The following ZNF560 variants were observed in gnomAD, a reference collection of about 807,000 sequenced individuals.
The protein encoded by ZNF560 is zinc finger protein 560.
In ZNF560, 54 loss-of-function variants were observed where a neutral mutation model predicts 81.8. The ratio of observed to expected loss-of-function variants is 0.66; its 90% confidence interval spans 0.53 to 0.83. The LOEUF (loss-of-function observed/expected upper bound fraction) is 0.83, where lower values mean the gene tolerates loss of function less well. Ranked by LOEUF, ZNF560 falls within the 40% of genes least tolerant of loss-of-function variation. The pLI, the probability that ZNF560 is intolerant of heterozygous loss-of-function variation, is 0.00. For missense variants in ZNF560, 940 were observed against 932.4 expected (o/e 1.01, Z -0.11); for synonymous variants, 321 against 317.9 (o/e 1.01, Z -0.10).
Position 9,469,611 on chromosome 19 carries a change from G to A in ZNF560, c.529+19C>T. 3 of 1,611,442 alleles carry A rather than the reference G, an allele frequency of 1.9e-6. No homozygotes were observed. The highest frequency in any genetic ancestry group is 4.5e-5 in the East Asian group (2 of 44,858). ...TGAGAACTTCTCATGGACCAGGGTT[G>A]TTCTTCACAAACACTCACCTTGGAG... On this transcript the variant is annotated intron_variant, in intron 8 of 9. Transcript: ENST00000301480.
In ZNF560 at chr19:9,466,944, G is replaced by C; in HGVS notation, c.2003C>G (p.Ser668Cys). 1 of 1,614,052 alleles carries C rather than the reference G, an allele frequency of 6.2e-7. No individual in the cohort carries two copies. Among genetic ancestry groups the C allele is most frequent in the Non-Finnish European group, 8.5e-7 (1 of 1,180,024 alleles). Residue 668 changes from serine (S) to cysteine (C), a missense_variant, in exon 10 of 10, where the codon TCT becomes TGT. Transcript: ENST00000301480. ...TTTTAAGTGTTGAGTTAGTACACAA[G>C]ACCTACTGTAAGCTTTTTCACATGC... The part of the protein sequence containing the change: ...CNACEKAYSR[S>C]CVLTQHLKTH...
chr19:9,475,083 A>G (rs1324570457), intron 3 of ZNF560, among the ~76,000 whole-genome samples: 2 of 152,076 alleles, frequency 1.3e-5, no homozygotes, highest in African/African-American at 4.8e-5. Flanking sequence ...TTAATTAACA[A>G]TTACTGAAAT....
At chr19:9,496,520 G>A (rs2144732992) in intron 2 of ZNF560, among the ~76,000 whole-genome samples, 1 of 146,898 alleles carries the variant, frequency 6.8e-6, no homozygotes, top group Middle Eastern at 3.6e-3. Context: ...CACCGCACCA[G>A]GCCTGGCTTT....
At chr19:9,503,800 C>A in the ZNF560 span, among the ~76,000 whole-genome samples, 3 of 152,210 alleles carry the variant, frequency 2.0e-5, no homozygotes, top group East Asian at 3.9e-4. Flanking sequence ...AGCCTCCCAA[C>A]GTGCTAGAAT....
chr19:9,489,697 C>T (rs994651738), intron 2 of ZNF560, among the ~76,000 whole-genome samples: 6 of 152,094 alleles, frequency 3.9e-5, no homozygotes, highest in Non-Finnish European at 8.8e-5. Flanking sequence ...TCACACCATT[C>T]TCCTGCCTCA....
At chr19:9,473,642 T>C (rs1489249867) in intron 4 of ZNF560, among the ~76,000 whole-genome samples, 1 of 152,062 alleles carries the variant, frequency 6.6e-6, no homozygotes, top group Non-Finnish European at 1.5e-5. Flanking sequence ...TATAGAACTA[T>C]AGTTCTTAGA....
the ZNF560 span, among the ~76,000 whole-genome samples, chr19:9,452,073 G>C: frequency 6.6e-6 from 1 of 151,558 alleles, no homozygotes; most frequent in African/African-American, 2.4e-5. Flanking sequence ...GAGACTCCAT[G>C]TAAGCCAAAA....
At chr19:9,495,537 C>G (rs200528909) in intron 2 of ZNF560, among the ~76,000 whole-genome samples, 1 of 152,088 alleles carries the variant, frequency 6.6e-6, no homozygotes, top group East Asian at 1.9e-4. Flanking sequence ...GATACCGCAT[C>G]TCTACAAAAA....
chr19:9,488,285 T>C (rs1418344623), intron 2 of ZNF560, among the ~76,000 whole-genome samples: 1 of 152,166 alleles, frequency 6.6e-6, no homozygotes, highest in Non-Finnish European at 1.5e-5. Context: ...CTCTTAGACT[T>C]TCCAACCAGC....
In ZNF560 at chr19:9,467,596, A is replaced by G. The variant is rs1035498680; in HGVS notation, c.1351T>C (p.Leu451=). 1.1e-5 allele frequency: 17 copies of G among 1,613,958 alleles called. No individual in the cohort carries two copies. The highest frequency in any genetic ancestry group is 1.4e-5 in the Non-Finnish European group (17 of 1,180,020). Residue 451 remains leucine, a synonymous_variant, in exon 10 of 10, where the codon TTG becomes CTG. Coordinates refer to ENST00000301480, the MANE Select transcript of ZNF560 (RefSeq NM_152476.3). ...FISYPSLFGH[L]RVHNGEKPYE... is the part of the protein sequence containing the mutation. The stretch of plus-strand genomic sequence containing the variant: ...GGCTTCTCTCCATTATGAACTCTCA[A>G]ATGTCCAAAAAGAGATGGGTAAGAA...
chr19:9,449,756 G>T, the ZNF560 span, among the ~76,000 whole-genome samples: 1 of 151,758 alleles, frequency 6.6e-6, no homozygotes, highest in Non-Finnish European at 1.5e-5. Context: ...ATCACCTGAG[G>T]TGAGGAGTTC....
At chr19:9,460,789 G>A in the ZNF560 span, among the ~76,000 whole-genome samples, 2 of 152,098 alleles carry the variant, frequency 1.3e-5, no homozygotes, top group Admixed American at 6.6e-5. Flanking sequence ...GATTGGACCC[G>A]GTCAGAAAAA....
the ZNF560 span, among the ~76,000 whole-genome samples, chr19:9,451,366 G>A: frequency 6.6e-6 from 1 of 152,284 alleles, no homozygotes; most frequent in East Asian, 1.9e-4. Flanking sequence ...ACAAGCAATA[G>A]AGAAAGAATT....
intron 5 of ZNF560, among the ~76,000 whole-genome samples, chr19:9,472,584 C>T (rs1429145721): frequency 6.6e-6 from 1 of 152,174 alleles, no homozygotes; most frequent in Non-Finnish European, 1.5e-5. Context: ...CTGTCACTGT[C>T]TCCCATCACC....
chr19:9,487,906 G>A (rs1001695348), intron 2 of ZNF560, among the ~76,000 whole-genome samples: 6 of 152,150 alleles, frequency 3.9e-5, no homozygotes, highest in East Asian at 1.9e-4. Context: ...AACCTGGAAC[G>A]AAGACATCTG....
chr19:9,457,968 G>C, the ZNF560 span, among the ~76,000 whole-genome samples: 1 of 152,136 alleles, frequency 6.6e-6, no homozygotes, highest in Non-Finnish European at 1.5e-5. Context: ...CTCTAGATTT[G>C]CTCATTTTTC....
At chr19:9,469,536 T>C in intron 8 of ZNF560, 94 bp downstream of exon 8, 1 of 1,133,266 alleles carries the variant, frequency 8.8e-7, no homozygotes, top group Admixed American at 1.8e-5. Context: ...GTGGACAGCC[T>C]TCTGATTCAA....
At chr19:9,505,712 G>A in the ZNF560 span, among the ~76,000 whole-genome samples, 1 of 152,064 alleles carries the variant, frequency 6.6e-6, no homozygotes, top group African/African-American at 2.4e-5. Context: ...AGACAGTCTT[G>A]CTGTGTCGTC....
intron 2 of ZNF560, among the ~76,000 whole-genome samples, chr19:9,485,365 T>A (rs527507327): frequency 6.6e-6 from 1 of 152,086 alleles, no homozygotes; most frequent in Non-Finnish European, 1.5e-5. Context: ...CACGGATGGT[T>A]CAACATATGC....
Sources: allele counts gnomAD v4.1 joint callset (sites outside exome capture counted in the v4.1 genomes callset), GRCh38; gene constraint gnomAD v4.1.1; transcripts MANE v1.5; gene names NCBI Gene and HGNC (gene_info 2026-07-23, HGNC 2026-07-21).